Variants in ERBB4 observed in about 807,000 individuals in gnomAD.
ERBB4 encodes receptor tyrosine-protein kinase erbB-4.
A neutral mutation model predicts 158.0 loss-of-function variants in ERBB4; 42 were observed. The observed-to-expected ratio is 0.27, with a 90% CI of 0.21 to 0.34. The LOEUF is 0.34. Ranked by LOEUF, ERBB4 falls within the 10% of genes least tolerant of loss-of-function variation. The probability of loss-of-function intolerance (pLI) is 1.00; values close to 1 mark genes in which losing one functional copy is unlikely to be tolerated. For missense variants in ERBB4, 1,333 were observed against 1,624.1 expected (o/e 0.82, Z 3.08); for synonymous variants, 583 against 558.7 (o/e 1.04, Z -0.61).
intron 3 of ERBB4, among the ~76,000 whole-genome samples, chr2:211,854,154 T>C (rs13004671): frequency 0.22 from 32,970 of 151,958 alleles, 3,706 homozygotes; most frequent in South Asian, 0.33. Flanking sequence ...TTTTATGAAA[T>C]TACAAATCTC....
At chr2:212,218,098 G>A (rs908172358) in intron 1 of ERBB4, among the ~76,000 whole-genome samples, 6 of 151,268 alleles carry the variant, frequency 4.0e-5, no homozygotes, top group African/African-American at 1.5e-4. Context: ...GAATAAAGTA[G>A]TTCTTTACTA....
intron 3 of ERBB4, among the ~76,000 whole-genome samples, chr2:211,909,681 A>G (rs1453199481): frequency 1.3e-5 from 2 of 151,722 alleles, no homozygotes. Context: ...TCTTGAGACC[A>G]CCATGGTATA....
At chr2:211,906,070 A>G (rs1466870971) in intron 3 of ERBB4, among the ~76,000 whole-genome samples, 1 of 152,054 alleles carries the variant, frequency 6.6e-6, no homozygotes, top group Non-Finnish European at 1.5e-5. Flanking sequence ...AGAGAGATAC[A>G]TTCGAGAAGT....
chr2:212,195,293 G>T (rs1353505118), intron 1 of ERBB4, among the ~76,000 whole-genome samples: 3 of 151,786 alleles, frequency 2.0e-5, no homozygotes, highest in Non-Finnish European at 4.4e-5. Flanking sequence ...GCTACAATTT[G>T]CATTAGACAG....
chr2:212,457,557 TTA>T (rs540781356), intron 1 of ERBB4, among the ~76,000 whole-genome samples: 46 of 152,090 alleles, frequency 3.0e-4, no homozygotes, highest in Non-Finnish European at 5.9e-4. Context: ...ATCTCTAGAA[TTA>T]ATACCATTAA....
At chr2:211,802,058 G>A (rs978362895) in intron 3 of ERBB4, among the ~76,000 whole-genome samples, 3 of 152,114 alleles carry the variant, frequency 2.0e-5, no homozygotes, top group African/African-American at 7.2e-5. Context: ...AGGAGATCGA[G>A]ACCATCCTGG....
At chr2:212,176,998 AAGAG>A (rs936592980) in intron 1 of ERBB4, among the ~76,000 whole-genome samples, 44 of 151,890 alleles carry the variant, frequency 2.9e-4, no homozygotes, top group African/African-American at 1.0e-3. Context: ...AAAGTAGAGA[AAGAG>A]AGAGGAATTT....
chr2:211,800,367 G>A (rs1285297449), intron 3 of ERBB4, among the ~76,000 whole-genome samples: 2 of 152,150 alleles, frequency 1.3e-5, no homozygotes, highest in Non-Finnish European at 2.9e-5. Flanking sequence ...ACTGGTAAGA[G>A]TTCGAAAGAA....
intron 3 of ERBB4, among the ~76,000 whole-genome samples, chr2:211,844,996 G>T (rs2077556626): frequency 6.6e-6 from 1 of 152,068 alleles, no homozygotes; most frequent in Non-Finnish European, 1.5e-5. Flanking sequence ...AAGTCATGAT[G>T]GTGTTCTTCA....
chr2:211,810,298 T>C (rs1488348873), intron 3 of ERBB4, among the ~76,000 whole-genome samples: 2 of 152,176 alleles, frequency 1.3e-5, no homozygotes, highest in East Asian at 3.9e-4. Context: ...GGTGTTAAAG[T>C]CTCCCATTAT....
At chr2:211,830,746 C>T (rs891348882) in intron 3 of ERBB4, among the ~76,000 whole-genome samples, 10 of 151,680 alleles carry the variant, frequency 6.6e-5, no homozygotes, top group African/African-American at 2.4e-4. Context: ...TAAAATACAA[C>T]CCAGGTAGCA....
chr2:211,812,355 C>T (rs773460964), intron 3 of ERBB4, among the ~76,000 whole-genome samples: 18 of 152,294 alleles, frequency 1.2e-4, no homozygotes, highest in Admixed American at 3.3e-4. Flanking sequence ...GCGGAGGCTG[C>T]GGAACAGCAA....
chr2:212,247,886 C>T (rs918781554), intron 1 of ERBB4, among the ~76,000 whole-genome samples: 1 of 152,036 alleles, frequency 6.6e-6, no homozygotes, highest in Non-Finnish European at 1.5e-5. Context: ...ATCACTTGAA[C>T]CTGGGAAGCA....
At chr2:212,079,565 G>A (rs2078374152) in intron 2 of ERBB4, among the ~76,000 whole-genome samples, 1 of 148,736 alleles carries the variant, frequency 6.7e-6, no homozygotes, top group Non-Finnish European at 1.5e-5. Flanking sequence ...TTAATATAAG[G>A]GTTATTGAAA....
At chr2:212,149,583 C>A (rs895370421) in intron 1 of ERBB4, among the ~76,000 whole-genome samples, 3 of 152,072 alleles carry the variant, frequency 2.0e-5, no homozygotes, top group African/African-American at 7.2e-5. Context: ...TAAAATGTTT[C>A]AAATATGGTC....
intron 16 of ERBB4, among the ~76,000 whole-genome samples, chr2:211,632,844 C>T (rs2070196220): frequency 6.6e-6 from 1 of 152,030 alleles, no homozygotes; most frequent in South Asian, 2.1e-4. Context: ...TTTTGGTCTA[C>T]TTGAATTTCT....
intron 12 of ERBB4, among the ~76,000 whole-genome samples, chr2:211,685,359 T>C (rs1033918709): frequency 2.6e-4 from 39 of 152,210 alleles, no homozygotes; most frequent in Admixed American, 2.2e-3. Context: ...GATGTTCATT[T>C]GCTCTGGCAC....
At chr2:212,510,025 G>C (rs1320573871) in intron 1 of ERBB4, among the ~76,000 whole-genome samples, 2 of 151,266 alleles carry the variant, frequency 1.3e-5, no homozygotes, top group Non-Finnish European at 3.0e-5. Context: ...AACCCAAAAA[G>C]ATATACCACA....
intron 1 of ERBB4, among the ~76,000 whole-genome samples, chr2:212,520,692 A>G (rs1439329794): frequency 6.6e-6 from 1 of 151,974 alleles, no homozygotes; most frequent in Non-Finnish European, 1.5e-5. Context: ...AAGTTTCCAC[A>G]TTGGTTGATA....
Sources: gnomAD v4.1 joint callset for allele counts (sites outside exome capture counted in the v4.1 genomes callset) on GRCh38, gnomAD v4.1.1 for gene constraint, MANE v1.5 for transcripts, NCBI Gene and HGNC (gene_info 2026-07-23, HGNC 2026-07-21) for gene names.